TG: variants seen among roughly 807,000 people sequenced by gnomAD.
The protein encoded by TG is thyroid hormones.
TG carries 270 observed loss-of-function variants against 324.7 expected under a neutral mutation model. The ratio of observed to expected loss-of-function variants is 0.83; its 90% CI spans 0.75 to 0.92. The LOEUF (loss-of-function observed/expected upper bound fraction) is 0.92. TG is among the 40% of genes least tolerant of loss of function. The pLI is 0.00. For synonymous variants in TG, 1,401 were observed against 1,327.0 expected, an observed-to-expected ratio of 1.06 and a Z score of -1.21; for missense variants, 3,591 against 3,456.4, an observed-to-expected ratio of 1.04 and a Z score of -0.98.
chr8:132,910,890 C>T (rs1000374049), intron 18 of TG, among the ~76,000 whole-genome samples: 1 of 152,164 alleles, frequency 6.6e-6, no homozygotes, highest in Non-Finnish European at 1.5e-5. Context: ...GCCTCACAAC[C>T]GTCTGTCTTT....
intron 41 of TG, among the ~76,000 whole-genome samples, chr8:133,031,604 C>T (rs1458497096): frequency 6.6e-6 from 1 of 152,160 alleles, no homozygotes; most frequent in Non-Finnish European, 1.5e-5. Context: ...TTAACTGTAC[C>T]TCAGCCTTGC....
intron 9 of TG, 122 bp from the exon 10 acceptor site, chr8:132,887,862 A>G (rs1815652406): frequency 1.1e-5 from 11 of 971,794 alleles, no homozygotes; most frequent in East Asian, 5.2e-5. Context: ...TTTAAGCTTC[A>G]TGGTATTTCT....
chr8:132,956,540 A>G (rs113131985), intron 27 of TG, among the ~76,000 whole-genome samples: 4 of 152,182 alleles, frequency 2.6e-5, no homozygotes, highest in Non-Finnish European at 5.9e-5. Flanking sequence ...AGGTCAATCA[A>G]GTGAAAGAGA....
chr8:132,989,918 T>C (rs1293703463), intron 35 of TG, among the ~76,000 whole-genome samples: 2 of 152,162 alleles, frequency 1.3e-5, no homozygotes, highest in African/African-American at 4.8e-5. Flanking sequence ...AGCCTCTTGA[T>C]GCCCCTGCTT....
intron 43 of TG, among the ~76,000 whole-genome samples, chr8:133,108,649 G>A (rs542556502): frequency 6.6e-6 from 1 of 152,234 alleles, no homozygotes; most frequent in East Asian, 1.9e-4. Context: ...TCCAACTCTG[G>A]GATTTGAAAC....
intron 41 of TG, chr8:133,050,905 G>A (rs537553065): frequency 3.5e-5 from 57 of 1,611,246 alleles, no homozygotes; most frequent in Middle Eastern, 1.7e-4. Flanking sequence ...CAAGGAAGTC[G>A]CTATCCAGTC....
At chr8:132,953,345 G>C (rs1215786577) in intron 27 of TG, among the ~76,000 whole-genome samples, 1 of 152,126 alleles carries the variant, frequency 6.6e-6, no homozygotes. Context: ...AGGTGACCTG[G>C]CCAAGTCCAG....
chr8:132,893,228 GT>G (rs1816546893), intron 10 of TG, among the ~76,000 whole-genome samples: 2 of 146,684 alleles, frequency 1.4e-5, no homozygotes, highest in South Asian at 4.5e-4. Flanking sequence ...GTGTGTATAT[GT>G]GGTGTGTGTG....
rs62515996 is a variant in TG at position 133,020,057 on chromosome 8, A to T, written c.6876+362A>T. ...GATAAATCGATTAGTCAATCAATTG[A>T]TTGACAGAAAAATGGAGAGAGATAT... On this transcript the variant is annotated intron_variant, in intron 39 of 47. Coordinates refer to ENST00000220616, the MANE Select transcript of TG (RefSeq NM_003235.5). 2.5e-3 allele frequency among the ~76,000 whole-genome samples: 376 copies of T among 152,358 alleles called. 4 individuals are homozygous for T. Among genetic ancestry groups the T allele is most frequent in the Admixed American group, 7.3e-3 (112 of 15,314 alleles).
intron 35 of TG, chr8:132,995,626 G>T: frequency 1.6e-6 from 1 of 639,662 alleles, no homozygotes; most frequent in Non-Finnish European, 1.9e-6. Context: ...ATGCTCTTAG[G>T]AGACCCAATT....
At chr8:132,921,964 C>G (rs769290915) in intron 21 of TG, among the ~76,000 whole-genome samples, 1 of 152,204 alleles carries the variant, frequency 6.6e-6, no homozygotes, top group Non-Finnish European at 1.5e-5. Flanking sequence ...TATCTTTCAC[C>G]TACTTCCCAG....
intron 20 of TG, among the ~76,000 whole-genome samples, chr8:132,917,938 C>T (rs866250955): frequency 1.4e-5 from 2 of 138,042 alleles, no homozygotes; most frequent in Non-Finnish European, 3.1e-5. Flanking sequence ...TTTGCGCCAG[C>T]TTAATATTAA....
intron 11 of TG, among the ~76,000 whole-genome samples, chr8:132,894,133 C>G (rs542295376): frequency 3.3e-5 from 5 of 152,256 alleles, no homozygotes; most frequent in Non-Finnish European, 7.4e-5. Flanking sequence ...CCTTAATTCT[C>G]CAGCGAATCT....
intron 41 of TG, among the ~76,000 whole-genome samples, chr8:133,045,679 G>A (rs1839236029): frequency 1.3e-5 from 2 of 152,098 alleles, no homozygotes; most frequent in South Asian, 4.1e-4. Context: ...ACAGGCCTGA[G>A]CTACCATGCC....
intron 41 of TG, among the ~76,000 whole-genome samples, chr8:133,035,256 G>A (rs1836991049): frequency 6.6e-6 from 1 of 151,960 alleles, no homozygotes; most frequent in Non-Finnish European, 1.5e-5. Context: ...TTTATTTATT[G>A]CATTATTTTC....
At chr8:133,126,038 T>C (rs1257463038) in intron 45 of TG, among the ~76,000 whole-genome samples, 1 of 152,222 alleles carries the variant, frequency 6.6e-6, no homozygotes, top group East Asian at 1.9e-4. Context: ...CGATGGTCAG[T>C]TAGTCAGAAA....
intron 35 of TG, chr8:132,994,996 C>G: frequency 2.1e-6 from 2 of 973,058 alleles, no homozygotes; most frequent in Non-Finnish European, 1.2e-6. Context: ...TTGTAATTCT[C>G]AGCATTGGCT....
intron 41 of TG, among the ~76,000 whole-genome samples, chr8:133,068,295 C>T (rs1843405676): frequency 6.6e-6 from 1 of 152,214 alleles, no homozygotes; most frequent in Non-Finnish European, 1.5e-5. Context: ...TGTCCAGGAG[C>T]CTGTATGCTG....
At chr8:133,092,027 A>G (rs2739176) in intron 41 of TG, among the ~76,000 whole-genome samples, 115,858 of 152,122 alleles carry the variant, frequency 0.76, 45,005 homozygotes, top group African/African-American at 0.89. Flanking sequence ...GACAAACTCC[A>G]AGTCTCCTGG....
Sources: allele counts gnomAD v4.1 joint callset (sites outside exome capture counted in the v4.1 genomes callset), GRCh38; gene constraint gnomAD v4.1.1; transcripts MANE v1.5; gene names NCBI Gene and HGNC (gene_info 2026-07-23, HGNC 2026-07-21).